ZNF827: variants seen among roughly 807,000 people sequenced by gnomAD.
ZNF827 encodes the protein zinc finger protein 827.
In ZNF827, 13 loss-of-function variants were observed where a neutral mutation model predicts 102.4. The observed-to-expected ratio is 0.13, with a 90% CI of 0.08 to 0.20. The LOEUF is 0.20. ZNF827 is among the 10% of genes least tolerant of loss of function. The pLI, the probability that ZNF827 is intolerant of heterozygous loss-of-function variation, is 1.00. For synonymous variants in ZNF827, 523 were observed against 536.2 expected (o/e 0.98, Z 0.34); for missense variants, 1,103 against 1,344.4 (o/e 0.82, Z 2.81).
chr4:145,841,474 G>A (rs950426473), intron 7 of ZNF827, among the ~76,000 whole-genome samples: 2 of 152,130 alleles, frequency 1.3e-5, no homozygotes, highest in African/African-American at 4.8e-5. Flanking sequence ...GAAAAATCAG[G>A]ATTTTATTAG....
intron 7 of ZNF827, chr4:145,832,254 G>A: frequency 6.5e-6 from 1 of 153,090 alleles, no homozygotes; most frequent in Non-Finnish European, 1.4e-5. Flanking sequence ...GACAGGGCAA[G>A]ACCTCGTCTC....
intron 6 of ZNF827, among the ~76,000 whole-genome samples, chr4:145,848,593 T>C (rs1215141030): frequency 6.6e-6 from 1 of 152,210 alleles, no homozygotes; most frequent in Non-Finnish European, 1.5e-5. Flanking sequence ...CCGAATCTTA[T>C]ATATGTATAT....
In ZNF827 at chr4:145,793,203, T is replaced by G. The variant is rs368494515; in HGVS notation, c.2384-13692A>C. ...CTGAGAAGTCCCAGCCTGTGCACACTGCACCCTTTCTGTATTAGGGTTCCC... is the reference window on the plus strand; with the variant it reads ...CTGAGAAGTCCCAGCCTGTGCACACGGCACCCTTTCTGTATTAGGGTTCCC... On this transcript the variant is annotated intron_variant, in intron 8 of 14. Transcript: ENST00000508784. Among the ~76,000 whole-genome samples, 57 of 148,522 alleles carry G rather than the reference T, an allele frequency of 3.8e-4. No homozygotes were observed. The East Asian group carries it at 8.4e-3, about 22-fold the overall frequency.
At chr4:145,862,031 G>T (rs1237368333) in intron 5 of ZNF827, among the ~76,000 whole-genome samples, 1 of 152,196 alleles carries the variant, frequency 6.6e-6, no homozygotes, top group African/African-American at 2.4e-5. Context: ...AGAGGCCCTG[G>T]CCTTGAGGGT....
intron 5 of ZNF827, among the ~76,000 whole-genome samples, chr4:145,856,780 A>G (rs1218685487): frequency 4.7e-5 from 7 of 150,530 alleles, no homozygotes; most frequent in African/African-American, 9.8e-5. Context: ...GACCAAGCCA[A>G]TGTCTATGAT....
chr4:145,793,401 G>T (rs1740030331), intron 8 of ZNF827, among the ~76,000 whole-genome samples: 1 of 46,106 alleles, frequency 2.2e-5, no homozygotes, highest in South Asian at 9.4e-4. Context: ...TAGGCTGTCT[G>T]CAAGCTTGAG....
chr4:145,784,973 C>T (rs1023899411), intron 8 of ZNF827, among the ~76,000 whole-genome samples: 1 of 152,198 alleles, frequency 6.6e-6, no homozygotes, highest in Non-Finnish European at 1.5e-5. Context: ...CCTGGCTACT[C>T]GGTATTATGT....
intron 1 of ZNF827, among the ~76,000 whole-genome samples, chr4:145,915,842 T>C (rs1408454336): frequency 6.6e-6 from 1 of 152,214 alleles, no homozygotes; most frequent in Non-Finnish European, 1.5e-5. Context: ...AAACAAGTTA[T>C]CCACTTCCAA....
chr4:145,924,036 G>C (rs1196878982), intron 1 of ZNF827, among the ~76,000 whole-genome samples: 1 of 152,232 alleles, frequency 6.6e-6, no homozygotes, highest in Non-Finnish European at 1.5e-5. Context: ...ATTGTGGTAT[G>C]TTTCTACAGT....
At chr4:145,875,155 A>G (rs1749050435) in intron 4 of ZNF827, among the ~76,000 whole-genome samples, 1 of 152,232 alleles carries the variant, frequency 6.6e-6, no homozygotes, top group African/African-American at 2.4e-5. Flanking sequence ...TAGGGAAAAT[A>G]CTATATAACT....
intron 1 of ZNF827, among the ~76,000 whole-genome samples, chr4:145,927,395 A>G (rs771982115): frequency 3.9e-5 from 6 of 152,254 alleles, no homozygotes; most frequent in Non-Finnish European, 7.3e-5. Flanking sequence ...AAGTATTTTC[A>G]TAAACTTATG....
intron 8 of ZNF827, among the ~76,000 whole-genome samples, chr4:145,794,059 G>A (rs763087239): frequency 1.3e-5 from 2 of 152,118 alleles, no homozygotes; most frequent in Non-Finnish European, 2.9e-5. Context: ...AGAACTAATC[G>A]GTCTTCAACC....
In ZNF827 at chr4:145,759,467, A is replaced by G. The variant is rs565630319; in HGVS notation, c.*2149T>C. 10 of 152,342 alleles carry G rather than the reference A, an allele frequency of 6.6e-5. No individual in the cohort carries two copies. In the South Asian group the frequency reaches 2.1e-3, roughly 32 times the overall value. 9.4% of individuals were successfully genotyped at this position (152,342 alleles called of 1,614,324 possible). On this transcript the variant is annotated 3_prime_UTR_variant, in exon 15 of 15. Transcript: ENST00000508784. Reference sequence around the variant, plus strand: ...AGCAGGTTACATCTACCAGGCGTTAACAAAATGGAATACAGAATTACTAAT... The same window carrying G: ...AGCAGGTTACATCTACCAGGCGTTAGCAAAATGGAATACAGAATTACTAAT...
intron 1 of ZNF827, among the ~76,000 whole-genome samples, chr4:145,904,062 C>G (rs1249518098): frequency 6.6e-6 from 1 of 152,220 alleles, no homozygotes; most frequent in African/African-American, 2.4e-5. Flanking sequence ...CGATCCACCA[C>G]TACCACTCCC....
chr4:145,824,598 C>A (rs1743479474), intron 7 of ZNF827, among the ~76,000 whole-genome samples: 1 of 152,156 alleles, frequency 6.6e-6, no homozygotes, highest in Admixed American at 6.5e-5. Flanking sequence ...CCATGGGAGA[C>A]AGAGAGGGAG....
intron 11 of ZNF827, among the ~76,000 whole-genome samples, chr4:145,771,941 C>T (rs913903095): frequency 6.6e-6 from 1 of 152,204 alleles, no homozygotes; most frequent in African/African-American, 2.4e-5. Context: ...ATCTTCTGCG[C>T]ATCTGAAAAT....
In ZNF827 at chr4:145,758,553, C is replaced by T. The variant is rs1275978793; in HGVS notation, c.*3063G>A. On this transcript the variant is annotated 3_prime_UTR_variant, in exon 15 of 15. Transcript: ENST00000508784. Reference sequence around the variant, plus strand: ...ATTATTAGCCAAGTGGCACATTCTCCATTATATGGGGATAAAGACATGACT... The same window carrying T: ...ATTATTAGCCAAGTGGCACATTCTCTATTATATGGGGATAAAGACATGACT... 5 of 152,118 alleles carry T rather than the reference C, an allele frequency of 3.3e-5. No homozygotes were observed. The highest frequency in any genetic ancestry group is 7.3e-5 in the Non-Finnish European group (5 of 68,104). 9.4% of individuals were successfully genotyped at this position (152,118 alleles called of 1,614,324 possible).
chr4:145,924,711 C>T (rs1050497472), intron 1 of ZNF827, among the ~76,000 whole-genome samples: 5 of 152,186 alleles, frequency 3.3e-5, no homozygotes, highest in African/African-American at 1.2e-4. Flanking sequence ...AAGAAACTAC[C>T]ACACCTCACA....
intron 7 of ZNF827, among the ~76,000 whole-genome samples, chr4:145,843,438 A>C (rs1010720538): frequency 6.6e-6 from 1 of 152,164 alleles, no homozygotes; most frequent in Non-Finnish European, 1.5e-5. Context: ...TGGTTAAAAA[A>C]ATTTTTTTTC....
Sources: allele counts gnomAD v4.1 joint callset (sites outside exome capture counted in the v4.1 genomes callset), GRCh38; gene constraint gnomAD v4.1.1; transcripts MANE v1.5; gene names NCBI Gene and HGNC (gene_info 2026-07-23, HGNC 2026-07-21).